Variants in PRKCE observed in about 807,000 individuals in gnomAD.
PRKCE encodes protein kinase C epsilon type.
Under a neutral mutation model 85.4 loss-of-function variants are expected in PRKCE, and 16 were observed. That is an observed-to-expected ratio of 0.19 (90% CI 0.13 to 0.28). PRKCE has a LOEUF of 0.28. PRKCE is among the 10% of genes least tolerant of loss of function. The pLI, the probability that PRKCE is intolerant of heterozygous loss-of-function variation, is 1.00. For missense variants in PRKCE, 573 were observed against 975.2 expected, an observed-to-expected ratio of 0.59 and a Z score of 5.49; for synonymous variants, 388 against 371.5, an observed-to-expected ratio of 1.04 and a Z score of -0.51.
intron 1 of PRKCE, among the ~76,000 whole-genome samples, chr2:45,734,885 A>G (rs6707301): frequency 2.6e-5 from 4 of 152,234 alleles, no homozygotes; most frequent in Non-Finnish European, 4.4e-5. Context: ...CCTTTCCCCA[A>G]AATGAGACAG....
At position 45,979,016 on chromosome 2, in the gene PRKCE, A is replaced by C. The variant is rs757858974; in HGVS notation, c.607+6A>C. On this transcript the variant is annotated splice_donor_region_variant and intron_variant, in intron 4 of 14. Transcript: ENST00000306156. ...GCAGGGATACCAGTGTCAAGGTAAG[A>C]GGCATTTATGAATTAAATCTTCAGA... The C allele has an allele frequency of 6.0e-5, 96 of 1,598,820 alleles. 1 individual carries two copies. Among genetic ancestry groups the C allele is most frequent in the Admixed American group, 5.8e-4 (35 of 59,970 alleles).
intron 1 of PRKCE, among the ~76,000 whole-genome samples, chr2:45,752,411 TC>T (rs1683647551): frequency 6.6e-6 from 1 of 152,136 alleles, no homozygotes; most frequent in South Asian, 2.1e-4. Flanking sequence ...CCTTCCTCCC[TC>T]CTACATCTAC....
intron 2 of PRKCE, among the ~76,000 whole-genome samples, chr2:45,972,411 C>G (rs961550722): frequency 6.6e-6 from 1 of 152,104 alleles, no homozygotes; most frequent in Non-Finnish European, 1.5e-5. Context: ...TTCCATTCTT[C>G]AGGTTGCCTT....
At chr2:45,960,050 A>G (rs1701273774) in intron 2 of PRKCE, among the ~76,000 whole-genome samples, 1 of 152,208 alleles carries the variant, frequency 6.6e-6, no homozygotes, top group Non-Finnish European at 1.5e-5. Context: ...TTTCATTTAC[A>G]GCATTTGGGA....
intron 2 of PRKCE, among the ~76,000 whole-genome samples, chr2:45,928,743 C>G (rs539934782): frequency 6.6e-6 from 1 of 152,170 alleles, no homozygotes; most frequent in South Asian, 2.1e-4. Context: ...CTTCTTCATG[C>G]TTTTTCCTGC....
At chr2:45,672,764 G>A (rs935094927) in intron 1 of PRKCE, among the ~76,000 whole-genome samples, 2 of 152,150 alleles carry the variant, frequency 1.3e-5, no homozygotes, top group Non-Finnish European at 2.9e-5. Context: ...AGTGCCTCAC[G>A]CCTGTAATCC....
chr2:45,942,045 C>G (rs1699911988), intron 2 of PRKCE, among the ~76,000 whole-genome samples: 1 of 152,126 alleles, frequency 6.6e-6, no homozygotes, highest in African/African-American at 2.4e-5. Flanking sequence ...AACCTAATTG[C>G]TGTTATGAAT....
intron 8 of PRKCE, among the ~76,000 whole-genome samples, chr2:46,005,674 G>T (rs947284922): frequency 1.3e-5 from 2 of 152,082 alleles, no homozygotes; most frequent in Non-Finnish European, 1.5e-5. Flanking sequence ...CCATGACCCA[G>T]ACCTTCTTAC....
chr2:45,709,383 C>T (rs542014848), intron 1 of PRKCE, among the ~76,000 whole-genome samples: 2 of 152,256 alleles, frequency 1.3e-5, no homozygotes, highest in Non-Finnish European at 1.5e-5. Context: ...GATCTTGGCT[C>T]TTGCTTCATG....
chr2:45,742,377 A>G (rs577010198), intron 1 of PRKCE, among the ~76,000 whole-genome samples: 15 of 152,012 alleles, frequency 9.9e-5, no homozygotes, highest in African/African-American at 3.6e-4. Flanking sequence ...CAAGGCTGCG[A>G]TGAGCTATGA....
intron 11 of PRKCE, among the ~76,000 whole-genome samples, chr2:46,103,700 C>T (rs1484111909): frequency 3.3e-5 from 5 of 152,058 alleles, no homozygotes; most frequent in Non-Finnish European, 7.4e-5. Context: ...TTGTATGTTA[C>T]ATGTATTATA....
chr2:45,655,835 C>A (rs534540225), intron 1 of PRKCE, among the ~76,000 whole-genome samples: 99 of 117,936 alleles, frequency 8.4e-4, no homozygotes, highest in African/African-American at 3.4e-3. Flanking sequence ...CAGAGTGATA[C>A]CCTGTCTCTT....
intron 1 of PRKCE, among the ~76,000 whole-genome samples, chr2:45,770,459 C>A (rs1428503346): frequency 1.3e-5 from 2 of 152,100 alleles, no homozygotes; most frequent in Admixed American, 6.5e-5. Context: ...TATATGGCGT[C>A]CCTTCGGCCA....
intron 1 of PRKCE, among the ~76,000 whole-genome samples, chr2:45,689,154 C>A (rs1677527521): frequency 6.6e-6 from 1 of 152,182 alleles, no homozygotes; most frequent in South Asian, 2.1e-4. Context: ...AAGGGAGGGA[C>A]TTAAGCACAG....
At position 46,177,273 on chromosome 2, in the gene PRKCE, T is replaced by A. The variant is rs562444360; in HGVS notation, c.2068-7462T>A. Among the ~76,000 whole-genome samples the A allele has an allele frequency of 1.2e-3, 188 of 152,274 alleles. 2 individuals are homozygous for A. Among genetic ancestry groups the A allele is most frequent in the African/African-American group, 4.1e-3 (170 of 41,558 alleles). ...TCTCTACTTTATATACTTAAAAAAATTTTTTTAAATCAATTTCAGAAAAAT... is the reference window on the plus strand; with the variant it reads ...TCTCTACTTTATATACTTAAAAAAAATTTTTTAAATCAATTTCAGAAAAAT... On this transcript the variant is annotated intron_variant, in intron 14 of 14. Transcript: ENST00000306156.
chr2:45,710,055 G>T (rs978616181), intron 1 of PRKCE, among the ~76,000 whole-genome samples: 23 of 152,234 alleles, frequency 1.5e-4, no homozygotes, highest in African/African-American at 5.5e-4. Flanking sequence ...AAGTGATCCG[G>T]AAAGTTCTGG....
chr2:45,959,287 G>A (rs548670844), intron 2 of PRKCE, among the ~76,000 whole-genome samples: 5 of 152,170 alleles, frequency 3.3e-5, no homozygotes, highest in South Asian at 4.2e-4. Context: ...AAGGAGTAAC[G>A]CCTTTTTGAA....
intron 1 of PRKCE, among the ~76,000 whole-genome samples, chr2:45,735,192 C>T (rs1320236740): frequency 6.6e-6 from 1 of 152,250 alleles, no homozygotes; most frequent in Non-Finnish European, 1.5e-5. Context: ...CCCCTGCAGG[C>T]TGGTTTGGTT....
intron 1 of PRKCE, among the ~76,000 whole-genome samples, chr2:45,815,689 C>T (rs995247833): frequency 7.2e-5 from 11 of 152,208 alleles, no homozygotes; most frequent in African/African-American, 2.7e-4. Flanking sequence ...TAGAATATCC[C>T]AGCAACTATA....
Sources: allele counts gnomAD v4.1 joint callset (sites outside exome capture counted in the v4.1 genomes callset), GRCh38; gene constraint gnomAD v4.1.1; transcripts MANE v1.5; gene names NCBI Gene and HGNC (gene_info 2026-07-23, HGNC 2026-07-21).